RBM33: variants seen among roughly 807,000 people sequenced by gnomAD.
RBM33 encodes RNA binding motif protein 33, also known as RNA-binding protein 33.
RBM33 carries 28 observed loss-of-function variants against 132.6 expected under a neutral mutation model. The observed-to-expected ratio is 0.21, with a 90% confidence interval of 0.16 to 0.29. RBM33 has a LOEUF of 0.29. Ranked by LOEUF, RBM33 falls within the 10% of genes least tolerant of loss-of-function variation. RBM33 has a pLI of 1.00. For missense variants in RBM33, 1,291 were observed against 1,518.5 expected (o/e 0.85, Z 2.49); for synonymous variants, 634 against 593.0 (o/e 1.07, Z -1.01).
At chr7:155,672,974 C>A in intron 3 of RBM33, 59 bp downstream of exon 3, 3 of 1,164,920 alleles carry the variant, frequency 2.6e-6, no homozygotes, top group South Asian at 1.5e-5. Flanking sequence ...ACTTAACATA[C>A]AGCAGTAATC....
chr7:155,652,538 A>G (rs930656658), intron 1 of RBM33, among the ~76,000 whole-genome samples: 2 of 152,236 alleles, frequency 1.3e-5, no homozygotes, highest in Non-Finnish European at 2.9e-5. Context: ...GGAAAAGAAG[A>G]AGAAATAGAA....
In RBM33 at chr7:155,764,008, CGGCGAAGAA is replaced by C; in HGVS notation, c.3179_3186+1del. 6.5e-7 allele frequency: 1 copy of C among 1,544,180 alleles called. No homozygotes were observed. Among genetic ancestry groups the C allele is most frequent in the Non-Finnish European group, 8.7e-7 (1 of 1,144,590 alleles). Reference sequence around the variant, plus strand: ...ATCAAAAGCATCCAAGGAATTCACCCGGCGAAGAAGGTACTGCTTGTTGCCTCGCACGCA... The same window carrying C: ...ATCAAAAGCATCCAAGGAATTCACCCGGTACTGCTTGTTGCCTCGCACGCA... On this transcript the variant is annotated inframe_deletion and splice_region_variant, in exon 15 of 18. Transcript: ENST00000401878.
chr7:155,723,299 A>G (rs1346294018), intron 9 of RBM33, among the ~76,000 whole-genome samples: 2 of 152,232 alleles, frequency 1.3e-5, no homozygotes, highest in African/African-American at 4.8e-5. Context: ...TGTTTTTACA[A>G]CATGCTTGCA....
chr7:155,748,817 C>T (rs1159459170), intron 14 of RBM33, among the ~76,000 whole-genome samples: 1 of 151,748 alleles, frequency 6.6e-6, no homozygotes, highest in Non-Finnish European at 1.5e-5. Flanking sequence ...GGAACATTTT[C>T]GAAAAGAGAT....
chr7:155,755,966 AT>A (rs1801836710), intron 14 of RBM33, among the ~76,000 whole-genome samples: 1 of 152,214 alleles, frequency 6.6e-6, no homozygotes, highest in Non-Finnish European at 1.5e-5. Context: ...TGGGAAAAAA[AT>A]GTTTCTGGTT....
chr7:155,774,889 T>G lies in RBM33; in HGVS notation c.3465-104T>G, dbSNP rs1187588253. 1 of 1,041,136 alleles carries G rather than the reference T, an allele frequency of 9.6e-7. No homozygotes were observed. Among genetic ancestry groups the G allele is most frequent in the Non-Finnish European group, 1.5e-6 (1 of 683,398 alleles). The allele number at this position is 1,041,136 out of a possible 1,614,324, so 64.5% of individuals were successfully genotyped here. On this transcript the variant is annotated intron_variant, in intron 17 of 17. Transcript: ENST00000401878. The surrounding 1 kb of genome is among the most constrained non-coding windows in gnomAD (Gnocchi z 4.2). ...AATCTGCCTTTTTATATGATGCGTT[T>G]TTATTAAACAGGACCCACCGGGCTC...
chr7:155,669,364 GTTTT>G (rs1296921623), intron 2 of RBM33, among the ~76,000 whole-genome samples: 1 of 152,062 alleles, frequency 6.6e-6, no homozygotes, highest in Non-Finnish European at 1.5e-5. Context: ...GTTTTTGTTT[GTTTT>G]TGTTTTTGTT....
intron 2 of RBM33, 113 bp downstream of exon 2, chr7:155,665,366 CTT>C: frequency 3.4e-6 from 3 of 881,284 alleles, no homozygotes; most frequent in Non-Finnish European, 5.6e-6. Flanking sequence ...GGCGCTCTCT[CTT>C]GAGTGGGGCT....
chr7:155,698,228 G>A (rs573807483), intron 5 of RBM33, among the ~76,000 whole-genome samples: 1 of 152,194 alleles, frequency 6.6e-6, no homozygotes, highest in South Asian at 2.1e-4. Context: ...TTAGCCTGGC[G>A]TGGTGGTGGA....
chr7:155,730,091 ATTTATGACCGCCTGTGTGC>A (rs1445833426), intron 9 of RBM33, among the ~76,000 whole-genome samples: 2 of 152,202 alleles, frequency 1.3e-5, no homozygotes, highest in African/African-American at 4.8e-5. Flanking sequence ...TCCATTAAAT[ATTTATGACCGCCTGTGTGC>A]CAGGCACTGG....
intron 5 of RBM33, 41 bp from the exon 6 acceptor site, chr7:155,700,732 A>G (rs941168760): frequency 7.2e-7 from 1 of 1,384,736 alleles, no homozygotes; most frequent in Admixed American, 2.3e-5. Context: ...AAAGAATATG[A>G]ACTTACTGTC....
chr7:155,711,486 T>G (rs1358003515), intron 8 of RBM33, 31 bp downstream of exon 8: 3 of 1,324,696 alleles, frequency 2.3e-6, no homozygotes, highest in Non-Finnish European at 3.0e-6. Context: ...TTGTAAAGCA[T>G]AGATGGCCCC....
chr7:155,654,455 A>G (rs1798439098), intron 1 of RBM33, among the ~76,000 whole-genome samples: 1 of 151,812 alleles, frequency 6.6e-6, no homozygotes, highest in South Asian at 2.1e-4. Flanking sequence ...TGAAGTATAG[A>G]TTTCTTACGT....
At chr7:155,773,337 A>G (rs1158340754) in intron 16 of RBM33, among the ~76,000 whole-genome samples, 1 of 152,032 alleles carries the variant, frequency 6.6e-6, no homozygotes, top group Non-Finnish European at 1.5e-5. Flanking sequence ...AGGCCAAGGC[A>G]GAGGCGGATC....
At chr7:155,739,514 T>G (rs578125828) in intron 11 of RBM33, 1 of 604,650 alleles carries the variant, frequency 1.7e-6, no homozygotes, top group South Asian at 2.2e-5. Context: ...ATTACTGGAT[T>G]AAATATAAAA....
intron 1 of RBM33, among the ~76,000 whole-genome samples, chr7:155,652,144 C>T (rs1798372382): frequency 6.6e-6 from 1 of 152,052 alleles, no homozygotes; most frequent in Non-Finnish European, 1.5e-5. Flanking sequence ...GTGATTTGGA[C>T]TAGGAACATA....
chr7:155,764,419 CAG>C (rs375224378), intron 15 of RBM33, among the ~76,000 whole-genome samples: 345 of 152,320 alleles, frequency 2.3e-3, no homozygotes, highest in Non-Finnish European at 3.6e-3. Flanking sequence ...CCAGTTGAGA[CAG>C]GGGAAACTGA....
intron 14 of RBM33, among the ~76,000 whole-genome samples, chr7:155,753,573 G>T (rs533362908): frequency 5.3e-5 from 8 of 152,338 alleles, no homozygotes; most frequent in African/African-American, 1.9e-4. Context: ...GCTGAGAGGG[G>T]CCAGATAGAA....
In RBM33 at chr7:155,716,731, A is replaced by G. The variant is rs1487709942; in HGVS notation, c.1202-1654A>G. On this transcript the variant is annotated intron_variant, in intron 8 of 17. Transcript: ENST00000401878. ...TCCAGTCTAGTGTTTCACTTTAGAT[A>G]TGGAATTGATGTAACATCAGCTGTG... Among the ~76,000 whole-genome samples, 3 of 152,242 alleles carry G rather than the reference A, an allele frequency of 2.0e-5. No homozygotes were observed. In the East Asian group the frequency reaches 5.8e-4, roughly 29 times the overall value.
Sources: allele counts gnomAD v4.1 joint callset (sites outside exome capture counted in the v4.1 genomes callset), GRCh38; gene constraint gnomAD v4.1.1; non-coding constraint Gnocchi (gnomAD v3.1); transcripts MANE v1.5; gene names NCBI Gene and HGNC (gene_info 2026-07-23, HGNC 2026-07-21).